The following MTG2 variants were observed in gnomAD, a reference collection of about 807,000 sequenced individuals.
MTG2 encodes mitochondrial ribosome associated GTPase 2, also known as mitochondrial ribosome-associated GTPase 2.
Under a neutral mutation model 28.6 loss-of-function variants are expected in MTG2, and 23 were observed. The observed-to-expected ratio is 0.80, with a 90% CI of 0.58 to 1.14. MTG2 has a LOEUF of 1.14. Among genes scored for constraint, MTG2 ranks in the 50% most tolerant of loss-of-function variants. MTG2 has a pLI of 0.00. For synonymous variants in MTG2, 260 were observed against 251.8 expected (o/e 1.03, Z -0.31); for missense variants, 539 against 552.0 (o/e 0.98, Z 0.24).
Position 62,201,064 on chromosome 20 carries a change from C to T in MTG2, c.1208C>T (p.Pro403Leu), listed in dbSNP as rs781529784. Residue 403 changes from proline (P) to leucine (L), a missense_variant, in exon 7 of 7, where the codon CCG becomes CTG. Pro to Leu is a moderately conservative substitution (Grantham distance 98). Transcript: ENST00000370823. ...GCCGAGCTGGGCCAGGGCCGCCAGCCGCTCAGGTGGTAGCCACGCCAGAGC... is the reference window on the plus strand; with the variant it reads ...GCCGAGCTGGGCCAGGGCCGCCAGCTGCTCAGGTGGTAGCCACGCCAGAGC... ...AEAELGQGRQ[P>L]LRW The T allele has an allele frequency of 4.4e-6, 7 of 1,598,522 alleles. No individual in the cohort carries two copies. Among genetic ancestry groups the T allele is most frequent in the East Asian group, 2.2e-5 (1 of 44,638 alleles).
chr20:62,195,682 A>C (rs2058044702), intron 2 of MTG2, 120 bp from the exon 3 acceptor site: 4 of 1,229,862 alleles, frequency 3.3e-6, no homozygotes, highest in Non-Finnish European at 4.6e-6. Context: ...TATTAGTGTC[A>C]TTAACCTCTA....
rs908010911 is a variant in MTG2 at position 62,199,060 on chromosome 20, C to T, written c.688-59C>T. ...CCCTCCAATCCCAGTTAGTTACAGA[C>T]TCTGCGCTAACAAAGGTGCTGCCGC... On this transcript the variant is annotated intron_variant, in intron 5 of 6. Transcript: ENST00000370823. 4.4e-6 allele frequency: 7 copies of T among 1,607,938 alleles called. No individual in the cohort carries two copies. The Admixed American group carries it at 8.4e-5, about 19-fold the overall frequency.
chr20:62,200,000 T>C (rs2427270), intron 6 of MTG2: 115,815 of 152,090 alleles, frequency 0.76, 44,191 homozygotes, highest in East Asian at 0.91. Flanking sequence ...CTACTGCACC[T>C]GGCCCTAATT....
rs1002521450 is a variant in MTG2 at position 62,201,380 on chromosome 20, G to A, written c.*303G>A. ...GTGCCCATAACGGGGTGGCCCTGCC[G>A]CTGACTCAGGTCTCCGCCATGCACG... is the stretch of plus-strand genomic sequence containing the variant. On this transcript the variant is annotated 3_prime_UTR_variant, in exon 7 of 7. Coordinates refer to ENST00000370823, the MANE Select transcript of MTG2 (RefSeq NM_015666.4). The A allele has an allele frequency of 7.3e-6, 3 of 408,866 alleles. No individual in the cohort carries two copies. Among genetic ancestry groups the A allele is most frequent in the Non-Finnish European group, 8.9e-6 (2 of 224,512 alleles). 25.3% of individuals were successfully genotyped at this position (408,866 alleles called of 1,614,324 possible). A position where few individuals can be genotyped will look rare whatever the true frequency, so the allele number is the denominator to read the frequency against.
intron 6 of MTG2, 137 bp from the exon 7 acceptor site, chr20:62,200,546 A>G: frequency 2.0e-6 from 2 of 1,024,250 alleles, no homozygotes; most frequent in South Asian, 3.5e-5. Flanking sequence ...GCGTTCCTTG[A>G]AAGGAAAGTG....
At position 62,201,204 on chromosome 20, in the gene MTG2, C is replaced by T. The variant is rs2058164888; in HGVS notation, c.*127C>T. ...TGTGGTGCTTCTGGGTCTCTGGGCC[C>T]CGCCTGCTGGCCTGAGATGCCCTCA... On this transcript the variant is annotated 3_prime_UTR_variant, in exon 7 of 7. Transcript: ENST00000370823. 8.2e-7 allele frequency: 1 copy of T among 1,225,700 alleles called. No homozygotes were observed. The allele number at this position is 1,225,700 out of a possible 1,614,324, so 75.9% of individuals were successfully genotyped here.
At chr20:62,188,508 A>ATTTTTTTTTTTTTTTTT (rs1192106476) in intron 1 of MTG2, among the ~76,000 whole-genome samples, 1 of 89,724 alleles carries the variant, frequency 1.1e-5, no homozygotes, top group African/African-American at 4.5e-5. Context: ...TAATCAGCTA[A>ATTTTTTTTTTTTTTTTT]TTTTTTTTTT....
intron 1 of MTG2, among the ~76,000 whole-genome samples, chr20:62,184,275 T>C (rs1162129441): frequency 2.6e-5 from 4 of 152,006 alleles, no homozygotes; most frequent in Non-Finnish European, 1.5e-5. Context: ...GGAGAATCGC[T>C]TGAACCTGGG....
intron 3 of MTG2, 193 bp from the exon 4 acceptor site, chr20:62,197,659 T>C (rs1441467139): frequency 1.8e-6 from 1 of 571,336 alleles, no homozygotes; most frequent in Admixed American, 3.1e-5. Flanking sequence ...TTTTCAGAAA[T>C]GATAGCACTT....
In MTG2 at chr20:62,199,119, G is replaced by A; in HGVS notation, c.688G>A (p.Val230Met). ...CCACCGTCTTCCCTCTTTCCCCCAG[G>A]TGGGATTCCCCAACGCCGGGAAGTC... Reference protein sequence around the residue: ...ELKTVAHAGMVGFPNAGKSSL... With the variant: ...ELKTVAHAGMMGFPNAGKSSL... The change falls in exon 6 of 7, where the codon GTG (valine) becomes ATG (methionine). Residue 230 changes from valine to methionine, a missense_variant and splice_region_variant. Transcript: ENST00000370823. 1 of 1,613,978 alleles carries A rather than the reference G, an allele frequency of 6.2e-7. No individual in the cohort carries two copies.
chr20:62,190,227 C>T (rs770241133), intron 1 of MTG2, among the ~76,000 whole-genome samples: 3 of 152,178 alleles, frequency 2.0e-5, no homozygotes, highest in Admixed American at 6.5e-5. Flanking sequence ...CTCACAGAAA[C>T]GTGGGGACCT....
intron 6 of MTG2, 75 bp downstream of exon 6, chr20:62,199,332 A>G: frequency 1.3e-6 from 2 of 1,529,006 alleles, no homozygotes; most frequent in South Asian, 2.4e-5. Flanking sequence ...TAACTCTTAA[A>G]TTTAGCTTTC....
chr20:62,192,260 G>T (rs1435666320), intron 1 of MTG2, among the ~76,000 whole-genome samples: 1 of 152,208 alleles, frequency 6.6e-6, no homozygotes, highest in Non-Finnish European at 1.5e-5. Flanking sequence ...CAGGTTTGAT[G>T]ATTTGCGGTA....
intron 1 of MTG2, among the ~76,000 whole-genome samples, chr20:62,185,001 T>C (rs1265939931): frequency 1.3e-5 from 2 of 151,500 alleles, no homozygotes; most frequent in Non-Finnish European, 2.9e-5. Context: ...TCCCAGGTAC[T>C]CGGGAGGCTG....
intron 2 of MTG2, among the ~76,000 whole-genome samples, chr20:62,194,259 C>T (rs1207013195): frequency 6.6e-6 from 1 of 152,188 alleles, no homozygotes; most frequent in Non-Finnish European, 1.5e-5. Flanking sequence ...ACGTTTATGA[C>T]TCCCTTCGTT....
chr20:62,197,055 T>TA (rs916895653), intron 3 of MTG2, among the ~76,000 whole-genome samples: 2 of 148,244 alleles, frequency 1.3e-5, no homozygotes, highest in Non-Finnish European at 3.0e-5. Context: ...ACATAAAACA[T>TA]AAAAAAAAAA....
Position 62,183,225 on chromosome 20 carries a change from C to T in MTG2, c.-6+168C>T, listed in dbSNP as rs556422348. On this transcript the variant is annotated intron_variant, in intron 1 of 6. Transcript: ENST00000370823. ...AGGGCTGCCGGGCTGCGAACCCCGG[C>T]GGGACCGAGCGCTGCGGCCCTGGAG... 2.0e-5 allele frequency among the ~76,000 whole-genome samples: 3 copies of T among 152,194 alleles called. No individual in the cohort carries two copies. In the South Asian group the frequency reaches 6.2e-4, roughly 32 times the overall value.
rs1170457225 is a variant in MTG2, at chr20:62,201,231, G to T, written c.*154G>T. On this transcript the variant is annotated 3_prime_UTR_variant, in exon 7 of 7. Coordinates refer to ENST00000370823, the MANE Select transcript of MTG2 (RefSeq NM_015666.4). Reference sequence around the variant, plus strand: ...GCCTGCTGGCCTGAGATGCCCTCATGTTGGGAAGCATTCCGTGCCCCCTAC... The same window carrying T: ...GCCTGCTGGCCTGAGATGCCCTCATTTTGGGAAGCATTCCGTGCCCCCTAC... 7 of 940,576 alleles carry T rather than the reference G, an allele frequency of 7.4e-6. No individual in the cohort carries two copies. The highest frequency in any genetic ancestry group is 9.2e-6 in the Non-Finnish European group (6 of 650,470). The allele number at this position is 940,576 out of a possible 1,614,324, so 58.3% of individuals were successfully genotyped here.
chr20:62,193,911 T>C, intron 2 of MTG2: 1 of 365,502 alleles, frequency 2.7e-6, no homozygotes, highest in Non-Finnish European at 5.1e-6. Context: ...ATGTTACATA[T>C]ATCCTTTCAT....
Sources: allele counts gnomAD v4.1 joint callset (sites outside exome capture counted in the v4.1 genomes callset), GRCh38; gene constraint gnomAD v4.1.1; transcripts MANE v1.5; gene names NCBI Gene and HGNC (gene_info 2026-07-23, HGNC 2026-07-21).